Variants in ADCY2 observed in about 807,000 individuals in gnomAD.
ADCY2 encodes adenylate cyclase 2.
Under a neutral mutation model 125.2 loss-of-function variants are expected in ADCY2, and 31 were observed. That is an observed-to-expected ratio of 0.25 (90% CI 0.19 to 0.33). The LOEUF (loss-of-function observed/expected upper bound fraction) is 0.33. Ranked by LOEUF, ADCY2 falls within the 10% of genes least tolerant of loss-of-function variation. The pLI is 1.00. For missense variants in ADCY2, 904 were observed against 1,418.2 expected, an observed-to-expected ratio of 0.64 and a Z score of 5.82; for synonymous variants, 512 against 548.4, an observed-to-expected ratio of 0.93 and a Z score of 0.93.
intron 4 of ADCY2, among the ~76,000 whole-genome samples, chr5:7,641,771 C>T (rs751905664): frequency 5.3e-5 from 8 of 152,200 alleles, no homozygotes; most frequent in African/African-American, 1.9e-4. Flanking sequence ...TGAGAACATG[C>T]AGTATTTGGT....
chr5:7,441,699 A>G (rs1278148709), intron 2 of ADCY2, among the ~76,000 whole-genome samples: 2 of 152,200 alleles, frequency 1.3e-5, no homozygotes, highest in Non-Finnish European at 2.9e-5. Context: ...AGTACCTCAT[A>G]ATTCAATTAA....
chr5:7,520,874 G>A lies in ADCY2; in HGVS notation c.545G>A (p.Gly182Glu). Residue 182 changes from glycine (G) to glutamate (E), a missense_variant, in exon 3 of 25, where the codon GGA (glycine) becomes GAA (glutamate). Around this residue, in one of 7 missense-constraint regions of ADCY2, gnomAD observed 121 missense variants for 161.5 expected, o/e 0.75. Transcript: ENST00000338316. ...VLSVCLSATP[G>E]GKEHLVWQIL... ...AGCGTCTGCCTGTCTGCAACACCGG[G>A]AGGCAAGGAGCACCTGGTCTGGCAG... 6.2e-7 allele frequency: 1 copy of A among 1,614,154 alleles called. No individual in the cohort carries two copies. Among genetic ancestry groups the A allele is most frequent in the Non-Finnish European group, 8.5e-7 (1 of 1,180,030 alleles).
chr5:7,662,682 C>T (rs550829746), intron 4 of ADCY2, among the ~76,000 whole-genome samples: 4 of 152,314 alleles, frequency 2.6e-5, no homozygotes, highest in South Asian at 4.1e-4. Flanking sequence ...CCAAAGCCAC[C>T]GCGGTTTCCT....
intron 2 of ADCY2, among the ~76,000 whole-genome samples, chr5:7,493,790 G>A (rs577811906): frequency 6.6e-6 from 1 of 152,284 alleles, no homozygotes; most frequent in East Asian, 1.9e-4. Context: ...ACAAATTGTT[G>A]CTGATTCATC....
chr5:7,533,617 G>A (rs546720334), intron 3 of ADCY2, among the ~76,000 whole-genome samples: 1 of 151,872 alleles, frequency 6.6e-6, no homozygotes, highest in South Asian at 2.1e-4. Flanking sequence ...TTCAAAAATA[G>A]CTCTCCCTCT....
At chr5:7,498,863 A>G (rs1235924242) in intron 2 of ADCY2, among the ~76,000 whole-genome samples, 1 of 152,206 alleles carries the variant, frequency 6.6e-6, no homozygotes, top group Admixed American at 6.5e-5. Flanking sequence ...AACCATAATG[A>G]TTACATTCAG....
chr5:7,413,177 T>C (rs886782082), intron 1 of ADCY2, among the ~76,000 whole-genome samples: 29 of 152,170 alleles, frequency 1.9e-4, no homozygotes, highest in African/African-American at 7.0e-4. Context: ...ATTTCCAGTG[T>C]GAAGTTAGAG....
At chr5:7,487,424 AC>A (rs1350346536) in intron 2 of ADCY2, among the ~76,000 whole-genome samples, 1 of 152,194 alleles carries the variant, frequency 6.6e-6, no homozygotes, top group African/African-American at 2.4e-5. Context: ...CTCATCATAA[AC>A]AGATAACCTA....
chr5:7,619,448 G>C (rs1737879910), intron 3 of ADCY2, among the ~76,000 whole-genome samples: 1 of 152,174 alleles, frequency 6.6e-6, no homozygotes, highest in Non-Finnish European at 1.5e-5. Context: ...ATGAGTTTTG[G>C]TGGTAGTGAT....
intron 3 of ADCY2, among the ~76,000 whole-genome samples, chr5:7,595,820 A>T (rs964509257): frequency 3.3e-5 from 5 of 152,316 alleles, no homozygotes; most frequent in African/African-American, 1.2e-4. Flanking sequence ...TGTAAATGCC[A>T]TGTAAATAGT....
chr5:7,547,641 G>C (rs1735189716), intron 3 of ADCY2, among the ~76,000 whole-genome samples: 1 of 152,156 alleles, frequency 6.6e-6, no homozygotes, highest in Non-Finnish European at 1.5e-5. Flanking sequence ...GGCGTGCCTG[G>C]CATACCCAGT....
At chr5:7,489,451 C>T (rs1159172903) in intron 2 of ADCY2, among the ~76,000 whole-genome samples, 1 of 152,168 alleles carries the variant, frequency 6.6e-6, no homozygotes, top group East Asian at 1.9e-4. Context: ...ATCCTGGGGC[C>T]ACTGCTGGGT....
chr5:7,469,579 G>C (rs1306286263), intron 2 of ADCY2, among the ~76,000 whole-genome samples: 1 of 151,728 alleles, frequency 6.6e-6, no homozygotes, highest in East Asian at 1.9e-4. Context: ...ATTTCTAGGA[G>C]AAAGAGCTTG....
chr5:7,814,184 A>C (rs1199347177), intron 22 of ADCY2, among the ~76,000 whole-genome samples: 1 of 152,124 alleles, frequency 6.6e-6, no homozygotes, highest in East Asian at 1.9e-4. Flanking sequence ...ATTTACTGCA[A>C]TAGTTCTGTT....
intron 2 of ADCY2, among the ~76,000 whole-genome samples, chr5:7,415,026 T>G (rs1739884749): frequency 6.6e-6 from 1 of 152,180 alleles, no homozygotes; most frequent in Non-Finnish European, 1.5e-5. Flanking sequence ...TTTGTATAGA[T>G]GTGTATGTGT....
At chr5:7,637,262 G>A (rs1738540776) in intron 4 of ADCY2, among the ~76,000 whole-genome samples, 1 of 151,994 alleles carries the variant, frequency 6.6e-6, no homozygotes, top group South Asian at 2.1e-4. Context: ...CTGAGGTCAG[G>A]AGTTCAAGAC....
rs16879038 is a variant in ADCY2, at chr5:7,771,537, C to T, written c.2215-1395C>T. ...TCCTTTTGAAGCCACAGTGTCAGGT[C>T]GAAGTCCTTACTGATGGATTTCTAC... is the stretch of plus-strand genomic sequence containing the variant. On this transcript the variant is annotated intron_variant, in intron 17 of 24. Coordinates refer to ENST00000338316, the MANE Select transcript of ADCY2 (RefSeq NM_020546.3). 3.2e-3 allele frequency among the ~76,000 whole-genome samples: 491 copies of T among 152,232 alleles called. 4 individuals carry two copies. The highest frequency in any genetic ancestry group is 0.011 in the African/African-American group (472 of 41,540).
chr5:7,665,215 C>T (rs1034284839), intron 4 of ADCY2, among the ~76,000 whole-genome samples: 1 of 152,170 alleles, frequency 6.6e-6, no homozygotes, highest in African/African-American at 2.4e-5. Context: ...TGACTCTTTT[C>T]ATCAACACCA....
At chr5:7,784,145 G>T (rs959891140) in intron 18 of ADCY2, among the ~76,000 whole-genome samples, 19 of 152,112 alleles carry the variant, frequency 1.2e-4, no homozygotes, top group African/African-American at 4.6e-4. Flanking sequence ...TTGATATAAA[G>T]TAGGAAGTCT....
Sources: allele counts gnomAD v4.1 joint callset (sites outside exome capture counted in the v4.1 genomes callset), GRCh38; gene constraint gnomAD v4.1.1; regional missense constraint gnomAD v4.1.1; transcripts MANE v1.5; gene names NCBI Gene and HGNC (gene_info 2026-07-23, HGNC 2026-07-21).